The following IL1RAPL2 variants were observed in gnomAD, a reference collection of about 807,000 sequenced individuals.
The protein encoded by IL1RAPL2 is interleukin 1 receptor accessory protein like 2.
A neutral mutation model predicts 44.1 loss-of-function variants in IL1RAPL2; 3 were observed. That is an observed-to-expected ratio of 0.07 (90% CI 0.03 to 0.18). The LOEUF is 0.18. IL1RAPL2 is among the 10% of genes least tolerant of loss of function. The pLI, the probability that IL1RAPL2 is intolerant of heterozygous loss-of-function variation, is 1.00. For synonymous variants in IL1RAPL2, 181 were observed against 178.8 expected, an observed-to-expected ratio of 1.01 and a Z score of -0.10; for missense variants, 391 against 496.4, an observed-to-expected ratio of 0.79 and a Z score of 2.02.
At chrX:105,694,950 G>A (rs1276502260) in intron 6 of IL1RAPL2, among the ~76,000 whole-genome samples, 12 of 111,258 alleles carry the variant, frequency 1.1e-4, no homozygotes. Flanking sequence ...CTGGAAATGA[G>A]ACTAGTTCCT....
intron 2 of IL1RAPL2, among the ~76,000 whole-genome samples, chrX:104,832,564 C>T (rs1481047578): frequency 9.0e-6 from 1 of 111,435 alleles, no homozygotes; most frequent in African/African-American, 3.3e-5. Flanking sequence ...CTTCTCTCTA[C>T]CTTAGACAGA....
At chrX:104,585,118 C>T (rs1185609941) in intron 1 of IL1RAPL2, among the ~76,000 whole-genome samples, 1 of 82,177 alleles carries the variant, frequency 1.2e-5, no homozygotes, top group Non-Finnish European at 2.3e-5. Context: ...CCATACATAA[C>T]ATATGCACAA....
At chrX:104,659,044 G>A in intron 2 of IL1RAPL2, 49 bp downstream of exon 2, 1 of 930,038 alleles carries the variant, frequency 1.1e-6, no homozygotes, top group Non-Finnish European at 1.5e-6. Context: ...GTACAGTTTT[G>A]TGAGCACCCA....
intron 2 of IL1RAPL2, among the ~76,000 whole-genome samples, chrX:104,812,773 G>T (rs1921029631): frequency 9.0e-6 from 1 of 111,168 alleles, no homozygotes; most frequent in Admixed American, 9.6e-5. Flanking sequence ...GTGTTGAATG[G>T]GGCCACAATA....
rs888288279 is a variant in IL1RAPL2, at chrX:104,595,593, T to G, written c.-20+28542T>G. ...ATGCCTTTGTCCTGTCCTTTATCCC[T>G]TCCCAAAGTGACTAGGATTACATTT... On this transcript the variant is annotated intron_variant, in intron 1 of 10. Transcript: ENST00000372582. Among the ~76,000 whole-genome samples, 5 of 112,023 alleles carry G rather than the reference T, an allele frequency of 4.5e-5. No individual in the cohort carries two copies. In the South Asian group the frequency reaches 1.9e-3, roughly 42 times the overall value.
intron 5 of IL1RAPL2, among the ~76,000 whole-genome samples, chrX:105,279,894 C>A (rs2034517408): frequency 8.9e-6 from 1 of 112,259 alleles, no homozygotes; most frequent in Non-Finnish European, 1.9e-5. Context: ...ATCAAGCTAC[C>A]ACTGACTTTC....
chrX:105,500,083 A>G (rs1188834415), intron 6 of IL1RAPL2, among the ~76,000 whole-genome samples: 1 of 111,786 alleles, frequency 8.9e-6, no homozygotes, highest in Non-Finnish European at 1.9e-5. Flanking sequence ...GGTCACAGAA[A>G]GACCTATACT....
At chrX:105,569,608 T>C (rs2037000077) in intron 6 of IL1RAPL2, among the ~76,000 whole-genome samples, 1 of 111,689 alleles carries the variant, frequency 9.0e-6, no homozygotes, top group African/African-American at 3.3e-5. Context: ...CTCCCTCAAC[T>C]TGGGTCTTTG....
At chrX:104,723,455 G>C (rs972193350) in intron 2 of IL1RAPL2, among the ~76,000 whole-genome samples, 1 of 110,317 alleles carries the variant, frequency 9.1e-6, no homozygotes, top group African/African-American at 3.3e-5. Context: ...AACTGCCAGG[G>C]GTGGGGTGCA....
At chrX:105,757,037 A>G (rs1327435026) in intron 10 of IL1RAPL2, among the ~76,000 whole-genome samples, 1 of 111,756 alleles carries the variant, frequency 8.9e-6, no homozygotes, top group Non-Finnish European at 1.9e-5. Context: ...CAACAAATGA[A>G]TCATTCACTA....
intron 2 of IL1RAPL2, among the ~76,000 whole-genome samples, chrX:104,819,666 A>T (rs1021134534): frequency 8.9e-6 from 1 of 111,994 alleles, no homozygotes; most frequent in Non-Finnish European, 1.9e-5. Flanking sequence ...CTCCTAGTAC[A>T]CGTTGTCCCT....
At chrX:105,406,324 G>T in intron 5 of IL1RAPL2, 1 of 1,057,044 alleles carries the variant, frequency 9.5e-7, no homozygotes, top group Non-Finnish European at 1.3e-6. Context: ...AACCCATTTT[G>T]AACTCCTTGC....
chrX:105,028,742 C>T (rs1166974668), intron 2 of IL1RAPL2, among the ~76,000 whole-genome samples: 1 of 109,848 alleles, frequency 9.1e-6, no homozygotes, highest in Non-Finnish European at 1.9e-5. Context: ...TGAAAATGAC[C>T]AAGAAATATA....
intron 2 of IL1RAPL2, among the ~76,000 whole-genome samples, chrX:104,700,226 T>A (rs370808179): frequency 3.6e-5 from 4 of 112,023 alleles, no homozygotes; most frequent in African/African-American, 1.3e-4. Flanking sequence ...AGAGTTGAGC[T>A]GCTAGAAAAA....
At chrX:104,982,309 T>C (rs899202325) in intron 2 of IL1RAPL2, among the ~76,000 whole-genome samples, 2 of 111,093 alleles carry the variant, frequency 1.8e-5, no homozygotes, top group Admixed American at 9.6e-5. Flanking sequence ...TACCAAGTCT[T>C]CCCTCATCCT....
chrX:104,994,351 CAG>C (rs890713139), intron 2 of IL1RAPL2, among the ~76,000 whole-genome samples: 16 of 111,226 alleles, frequency 1.4e-4, no homozygotes, highest in African/African-American at 4.6e-4. Flanking sequence ...TGAAAAAAAT[CAG>C]AACAGTAATT....
chrX:105,043,090 A>C, intron 2 of IL1RAPL2, among the ~76,000 whole-genome samples: 1 of 34,782 alleles, frequency 2.9e-5, no homozygotes, highest in East Asian at 1.2e-3. Context: ...GGGTGGGGGG[A>C]GGGGGGAGGG....
intron 5 of IL1RAPL2, among the ~76,000 whole-genome samples, chrX:105,407,718 G>A (rs905095500): frequency 9.0e-6 from 1 of 111,606 alleles, no homozygotes; most frequent in East Asian, 2.8e-4. Flanking sequence ...GAAAGACATC[G>A]TTGTACTTCA....
At chrX:105,684,906 C>T (rs1366977298) in intron 6 of IL1RAPL2, among the ~76,000 whole-genome samples, 1 of 112,016 alleles carries the variant, frequency 8.9e-6, no homozygotes, top group Admixed American at 9.4e-5. Context: ...GATACCCAGG[C>T]AAACAGGGTC....
Sources: gnomAD v4.1 joint callset for allele counts (sites outside exome capture counted in the v4.1 genomes callset) on GRCh38, gnomAD v4.1.1 for gene constraint, MANE v1.5 for transcripts, NCBI Gene and HGNC (gene_info 2026-07-23, HGNC 2026-07-21) for gene names.